The following DSCAM variants were observed in gnomAD, a reference collection of about 807,000 sequenced individuals.
The protein encoded by DSCAM is DS cell adhesion molecule.
DSCAM carries 47 observed loss-of-function variants against 217.7 expected under a neutral mutation model. The observed-to-expected ratio is 0.22, with a 90% confidence interval of 0.17 to 0.28. The LOEUF is 0.28. DSCAM is among the 10% of genes least tolerant of loss of function. DSCAM has a pLI of 1.00. For synonymous variants in DSCAM, 1,056 were observed against 1,015.3 expected (o/e 1.04, Z -0.76); for missense variants, 2,080 against 2,618.3 (o/e 0.79, Z 4.49).
intron 8 of DSCAM, among the ~76,000 whole-genome samples, chr21:40,314,630 G>A (rs570303836): frequency 6.6e-6 from 1 of 152,146 alleles, no homozygotes; most frequent in Non-Finnish European, 1.5e-5. Context: ...AAATTGCTAT[G>A]CTTTATTAAA....
chr21:40,267,263 CT>C (rs79217614), intron 11 of DSCAM, among the ~76,000 whole-genome samples: 21,332 of 145,058 alleles, frequency 0.15, 3,650 homozygotes, highest in African/African-American at 0.41. Context: ...TTACAGTTAA[CT>C]TTTTTTTTTT....
intron 11 of DSCAM, among the ~76,000 whole-genome samples, chr21:40,195,955 T>C (rs535834080): frequency 1.2e-3 from 182 of 152,346 alleles, no homozygotes; most frequent in African/African-American, 4.3e-3. Context: ...CAAAATGTGT[T>C]TTCTTTGTTA....
intron 1 of DSCAM, among the ~76,000 whole-genome samples, chr21:40,756,003 T>C (rs2091271983): frequency 6.6e-6 from 1 of 152,246 alleles, no homozygotes; most frequent in Non-Finnish European, 1.5e-5. Flanking sequence ...AATTGCTTTA[T>C]GCATGTCACT....
chr21:40,818,032 C>T (rs1363751435), intron 1 of DSCAM, among the ~76,000 whole-genome samples: 4 of 135,336 alleles, frequency 3.0e-5, no homozygotes, highest in African/African-American at 1.1e-4. Context: ...GGAGGCGGAG[C>T]TTGCAGTGAG....
intron 1 of DSCAM, among the ~76,000 whole-genome samples, chr21:40,818,693 T>TCTCCAACC (rs1381040797): frequency 1.1e-4 from 17 of 151,058 alleles, no homozygotes; most frequent in African/African-American, 3.7e-4. Flanking sequence ...TGTTGCTTCT[T>TCTCCAACC]CTCCAACCCT....
At chr21:40,042,749 C>A (rs1301137491) in intron 31 of DSCAM, 76 bp from the exon 32 acceptor site, 1 of 1,409,168 alleles carries the variant, frequency 7.1e-7, no homozygotes, top group Non-Finnish European at 9.6e-7. Flanking sequence ...CCCTTCCTGG[C>A]TTGGGGCTGT....
chr21:40,688,571 CT>C (rs1237081545), intron 3 of DSCAM, among the ~76,000 whole-genome samples: 3 of 152,196 alleles, frequency 2.0e-5, no homozygotes, highest in Non-Finnish European at 2.9e-5. Context: ...CATCATGACT[CT>C]TGTTCTTCCT....
chr21:40,688,444 C>T (rs2090506327), intron 3 of DSCAM, among the ~76,000 whole-genome samples: 1 of 152,166 alleles, frequency 6.6e-6, no homozygotes. Flanking sequence ...CCTCCAAAAG[C>T]ATGTCATTAT....
chr21:40,200,987 C>T (rs544606689), intron 11 of DSCAM, among the ~76,000 whole-genome samples: 1 of 152,206 alleles, frequency 6.6e-6, no homozygotes, highest in Non-Finnish European at 1.5e-5. Context: ...ATGATTTTTC[C>T]AGCCAGGAAT....
chr21:40,739,954 ATTTTTTTTTTTTTT>A (rs56815777), intron 1 of DSCAM, among the ~76,000 whole-genome samples: 731 of 59,040 alleles, frequency 0.012, 11 homozygotes, highest in Middle Eastern at 0.018. Context: ...TGCAGGTGTA[ATTTTTTTTTTTTTT>A]TTTTTTTTTT....
At chr21:40,070,252 A>AGGAG (rs1301688054) in intron 27 of DSCAM, among the ~76,000 whole-genome samples, 3 of 121,256 alleles carry the variant, frequency 2.5e-5, no homozygotes, top group Admixed American at 8.8e-5. Context: ...AAGGTAGGGA[A>AGGAG]GGAGGGAGGG....
chr21:40,642,747 C>A (rs1469470424), intron 3 of DSCAM, among the ~76,000 whole-genome samples: 1 of 152,140 alleles, frequency 6.6e-6, no homozygotes, highest in Non-Finnish European at 1.5e-5. Flanking sequence ...CCATGCCCAG[C>A]TAATTTTTAT....
At chr21:40,116,842 A>T (rs1244605025) in intron 20 of DSCAM, among the ~76,000 whole-genome samples, 1 of 151,698 alleles carries the variant, frequency 6.6e-6, no homozygotes, top group Non-Finnish European at 1.5e-5. Flanking sequence ...CTCTACTAAA[A>T]ATACAAAACA....
At chr21:40,226,525 G>A (rs2091334197) in intron 11 of DSCAM, among the ~76,000 whole-genome samples, 1 of 151,948 alleles carries the variant, frequency 6.6e-6, no homozygotes, top group South Asian at 2.1e-4. Flanking sequence ...AAGAAATATA[G>A]ATACGGACAA....
chr21:40,269,164 T>C (rs2073580725), intron 11 of DSCAM, among the ~76,000 whole-genome samples: 1 of 152,184 alleles, frequency 6.6e-6, no homozygotes, highest in Admixed American at 6.5e-5. Context: ...GCAAAAACCC[T>C]GACCCACATT....
At chr21:40,625,251 C>G (rs915641022) in intron 3 of DSCAM, among the ~76,000 whole-genome samples, 2 of 151,958 alleles carry the variant, frequency 1.3e-5, no homozygotes, top group Non-Finnish European at 2.9e-5. Context: ...TACATGGAGA[C>G]TAACTGTCCA....
intron 16 of DSCAM, among the ~76,000 whole-genome samples, chr21:40,150,575 A>G (rs2090414179): frequency 6.6e-6 from 1 of 152,206 alleles, no homozygotes; most frequent in Non-Finnish European, 1.5e-5. Flanking sequence ...GTTTTCGAAA[A>G]TGACACTAGA....
intron 11 of DSCAM, among the ~76,000 whole-genome samples, chr21:40,238,135 AT>A (rs1367292783): frequency 2.6e-5 from 4 of 152,112 alleles, no homozygotes; most frequent in African/African-American, 4.8e-5. Flanking sequence ...GAATCTGAGG[AT>A]TTTTTAAACC....
intron 1 of DSCAM, among the ~76,000 whole-genome samples, chr21:40,763,199 A>T (rs991875020): frequency 3.9e-5 from 6 of 152,108 alleles, no homozygotes; most frequent in African/African-American, 1.4e-4. Flanking sequence ...AAACCCCATC[A>T]TCTCAGCCCT....
Sources: gnomAD v4.1 joint callset for allele counts (sites outside exome capture counted in the v4.1 genomes callset) on GRCh38, gnomAD v4.1.1 for gene constraint, MANE v1.5 for transcripts, NCBI Gene and HGNC (gene_info 2026-07-23, HGNC 2026-07-21) for gene names.